Variants in ALPK3 observed in about 807,000 individuals in gnomAD.
The protein encoded by ALPK3 is alpha-protein kinase 3.
In ALPK3, 102 loss-of-function variants were observed where a neutral mutation model predicts 140.0. The observed-to-expected ratio is 0.73, with a 90% CI of 0.62 to 0.86. The LOEUF (loss-of-function observed/expected upper bound fraction) is 0.86. Ranked by LOEUF, ALPK3 falls within the 40% of genes least tolerant of loss-of-function variation. The pLI, the probability that ALPK3 is intolerant of heterozygous loss-of-function variation, is 0.00. For missense variants in ALPK3, 2,254 were observed against 2,208.2 expected (o/e 1.02, Z -0.42); for synonymous variants, 938 against 898.5 (o/e 1.04, Z -0.79).
intron 10 of ALPK3, 66 bp downstream of exon 10, chr15:84,862,981 G>C: frequency 6.4e-7 from 1 of 1,562,884 alleles, no homozygotes. Context: ...CCCAGCCCAG[G>C]TCCTGTTAGG....
rs2141568517 is a variant in ALPK3 at position 84,857,725 on chromosome 15, C to G, written c.2987C>G (p.Thr996Ser). The change falls in exon 6 of 14, where the codon ACT becomes AGT. Residue 996 changes from threonine (T) to serine (S), a missense_variant. Coordinates refer to ENST00000258888, the MANE Select transcript of ALPK3 (RefSeq NM_020778.5). ...AATGGLVPSA[T>S]LTPTVEVAGL... ...ACCGGAGGTCTGGTGCCCTCAGCCACTCTGACACCCACTGTGGAAGTGGCT... is the reference window on the plus strand; with the variant it reads ...ACCGGAGGTCTGGTGCCCTCAGCCAGTCTGACACCCACTGTGGAAGTGGCT... 1 of 1,613,320 alleles carries G rather than the reference C, an allele frequency of 6.2e-7. No homozygotes were observed. Among genetic ancestry groups the G allele is most frequent in the Non-Finnish European group, 8.5e-7 (1 of 1,179,592 alleles).
At chr15:84,834,667 A>C (rs1188633469) in intron 3 of ALPK3, among the ~76,000 whole-genome samples, 1 of 152,260 alleles carries the variant, frequency 6.6e-6, no homozygotes, top group Non-Finnish European at 1.5e-5. Flanking sequence ...ACAAGGCTGC[A>C]AGTTTCCAAG....
In ALPK3 at chr15:84,857,657, A is replaced by G. The variant is rs767105144; in HGVS notation, c.2919A>G (p.Thr973=). Residue 973 remains threonine, a synonymous_variant, in exon 6 of 14, where the codon ACA becomes ACG. Coordinates refer to ENST00000258888, the MANE Select transcript of ALPK3 (RefSeq NM_020778.5). ...YLLLLLKLSS[T]ETSGAGGESQ... ...TTCTGCTGCTGAAGCTGTCCAGCAC[A>G]GAGACAAGTGGAGCAGGGGGAGAGT... The G allele has an allele frequency of 1.9e-6, 3 of 1,603,260 alleles. No homozygotes were observed. In the South Asian group the frequency reaches 3.3e-5, roughly 18 times the overall value.
At chr15:84,821,811 G>A (rs1260087855) in intron 1 of ALPK3, among the ~76,000 whole-genome samples, 6 of 152,096 alleles carry the variant, frequency 3.9e-5, no homozygotes, top group Non-Finnish European at 7.4e-5. Context: ...AGCCACAGAA[G>A]CTACAAGAAC....
intron 5 of ALPK3, among the ~76,000 whole-genome samples, chr15:84,850,859 T>C: frequency 7.0e-6 from 1 of 143,582 alleles, no homozygotes; most frequent in African/African-American, 2.5e-5. Flanking sequence ...CCTTCTCATA[T>C]CTTTACACAG....
intron 5 of ALPK3, among the ~76,000 whole-genome samples, chr15:84,851,890 G>T (rs1044736128): frequency 6.6e-6 from 1 of 152,084 alleles, no homozygotes; most frequent in Non-Finnish European, 1.5e-5. Context: ...TGGAATTTTT[G>T]GGTTAAAGAG....
At chr15:84,834,253 G>T (rs372801734) in intron 3 of ALPK3, among the ~76,000 whole-genome samples, 2 of 152,264 alleles carry the variant, frequency 1.3e-5, no homozygotes, top group East Asian at 1.9e-4. Flanking sequence ...GTGTTACTTA[G>T]CTTCTTTGAG....
intron 5 of ALPK3, among the ~76,000 whole-genome samples, chr15:84,850,879 T>TATATATACACACACACAC (rs144798232): frequency 9.8e-5 from 14 of 142,472 alleles, no homozygotes; most frequent in Middle Eastern, 3.5e-3. Context: ...GTTCCAGATA[T>TATATATACACACACACAC]ACACACACAC....
intron 5 of ALPK3, among the ~76,000 whole-genome samples, chr15:84,849,406 C>A (rs1361569165): frequency 6.6e-6 from 1 of 152,148 alleles, no homozygotes; most frequent in African/African-American, 2.4e-5. Flanking sequence ...ACAGCACCAG[C>A]AACCAACTAT....
rs202040979 is a variant in ALPK3, at chr15:84,865,437, T to TTA, written c.4723+781_4723+782dup. ...CTGGGGTTAAATTGTACGATAATTATTATATATATAGCTCCATATACTGGG... is the reference window on the plus strand; with the variant it reads ...CTGGGGTTAAATTGTACGATAATTATTATATATATATAGCTCCATATACTGGG... On this transcript the variant is annotated intron_variant, in intron 12 of 13. Transcript: ENST00000258888. Among the ~76,000 whole-genome samples, 441 of 152,258 alleles carry TTA rather than the reference T, an allele frequency of 2.9e-3. 1 individual carries two copies. The highest frequency in any genetic ancestry group is 0.01 in the African/African-American group (417 of 41,540).
chr15:84,824,968 T>A (rs895280425), intron 2 of ALPK3, among the ~76,000 whole-genome samples: 1 of 152,140 alleles, frequency 6.6e-6, no homozygotes, highest in South Asian at 2.1e-4. Context: ...TGACAGTATA[T>A]ACAGTGACTC....
rs770241858 is a variant in ALPK3 at position 84,839,870 on chromosome 15, G to A, written c.591G>A (p.Glu197=). 2.5e-6 allele frequency: 4 copies of A among 1,614,010 alleles called. No individual in the cohort carries two copies. In the African/African-American group the frequency reaches 5.3e-5, roughly 22 times the overall value. The change falls in exon 5 of 14, where the codon GAG becomes GAA. Residue 197 remains glutamate, a synonymous_variant. Transcript: ENST00000258888. The part of the protein sequence containing the change: ...RKAAAKLREI[E]QSWKHEKAVP... ...CTGCGGCAAAGCTGCGCGAGATCGA[G>A]CAGAGCTGGAAGCACGAGAAGGCGG...
intron 5 of ALPK3, among the ~76,000 whole-genome samples, chr15:84,847,175 C>T (rs1013666022): frequency 6.1e-5 from 9 of 148,524 alleles, no homozygotes; most frequent in African/African-American, 1.7e-4. Flanking sequence ...CGCCCATACA[C>T]GCACAGAGAG....
intron 3 of ALPK3, among the ~76,000 whole-genome samples, chr15:84,833,536 G>C (rs148589354): frequency 6.6e-6 from 1 of 152,172 alleles, no homozygotes; most frequent in Non-Finnish European, 1.5e-5. Context: ...CTCTCTGTGA[G>C]GCTGCTGTTC....
At chr15:84,817,644 G>C (rs1219835004) in intron 1 of ALPK3, 49 bp downstream of exon 1, 3 of 1,456,724 alleles carry the variant, frequency 2.1e-6, no homozygotes, top group Admixed American at 2.4e-5. Flanking sequence ...GATGCCCTGG[G>C]ATCAGTCCCT....
Position 84,866,502 on chromosome 15 carries a change from G to T in ALPK3, c.4724-815G>T, listed in dbSNP as rs573115480. ...CATATGATGGTACTCAGCCCTGTTA[G>T]TGAAAGGCAGGTTCCTAGCAAAATG... On this transcript the variant is annotated intron_variant, in intron 12 of 13. Coordinates refer to ENST00000258888, the MANE Select transcript of ALPK3 (RefSeq NM_020778.5). Among the ~76,000 whole-genome samples the T allele has an allele frequency of 3.9e-5, 6 of 152,346 alleles. No homozygotes were observed. The East Asian group carries it at 1.2e-3, about 29-fold the overall frequency.
intron 2 of ALPK3, among the ~76,000 whole-genome samples, chr15:84,825,198 T>G (rs1963471969): frequency 1.3e-5 from 2 of 152,106 alleles, no homozygotes; most frequent in Non-Finnish European, 2.9e-5. Flanking sequence ...ATTTTTTTTT[T>G]GAGGCATCTC....
chr15:84,859,681 T>C lies in ALPK3; in HGVS notation c.3966-95T>C, dbSNP rs75346033. The C allele has an allele frequency of 0.069, 100,491 of 1,459,548 alleles. 3,618 individuals carry two copies. Among genetic ancestry groups the C allele is most frequent in the East Asian group, 0.11 (4,409 of 40,830 alleles). The allele number at this position is 1,459,548 out of a possible 1,614,324, so 90.4% of individuals were successfully genotyped here. On this transcript the variant is annotated intron_variant, in intron 7 of 13. Transcript: ENST00000258888. ...TTCCCCAAAGCTCTCAGAGCTGGGG[T>C]TCACAGCAGCCTCTGAGAGTGGGGT...
rs114537495 is a variant in ALPK3 at position 84,855,464 on chromosome 15, T to A, written c.1654-928T>A. Among the ~76,000 whole-genome samples the A allele has an allele frequency of 2.4e-3, 372 of 152,308 alleles. 1 individual carries two copies. Among genetic ancestry groups the A allele is most frequent in the African/African-American group, 8.5e-3 (355 of 41,578 alleles). On this transcript the variant is annotated intron_variant, in intron 5 of 13. Coordinates refer to ENST00000258888, the MANE Select transcript of ALPK3 (RefSeq NM_020778.5). ...AGTTTCACTAACAAAGGAGTTTGCT[T>A]TGTTTATTTCATGTTTACTTTGTTG...
Sources: gnomAD v4.1 joint callset for allele counts (sites outside exome capture counted in the v4.1 genomes callset) on GRCh38, gnomAD v4.1.1 for gene constraint, MANE v1.5 for transcripts, NCBI Gene and HGNC (gene_info 2026-07-23, HGNC 2026-07-21) for gene names.